Variants in ZNF721 observed in about 807,000 individuals in gnomAD.
ZNF721 encodes the protein zinc finger protein 721.
In ZNF721, 2 loss-of-function variants were observed where a neutral mutation model predicts 2.4. The ratio of observed to expected loss-of-function variants is 0.82; its 90% confidence interval spans 0.34 to 2.58. ZNF721 has a LOEUF of 2.58. Ranked by LOEUF, ZNF721 falls within the 30% of genes most tolerant of loss-of-function variation. The probability of loss-of-function intolerance (pLI) is 0.11; values close to 1 mark genes in which losing one functional copy is unlikely to be tolerated. For missense variants in ZNF721, 1,187 were observed against 1,085.5 expected (o/e 1.09, Z -1.31); for synonymous variants, 398 against 381.8 (o/e 1.04, Z -0.50).
chr4:498,676 G>A (rs917024563), intron 1 of ZNF721, among the ~76,000 whole-genome samples: 1 of 150,364 alleles, frequency 6.7e-6, no homozygotes, highest in Admixed American at 6.6e-5. Context: ...TTAAAACGAA[G>A]TTAATCATTA....
In ZNF721 at chr4:443,170, T is replaced by G. The variant is rs1553863571; in HGVS notation, c.1297A>C (p.Asn433His). 6.2e-7 allele frequency: 1 copy of G among 1,613,028 alleles called. No individual in the cohort carries two copies. Among genetic ancestry groups the G allele is most frequent in the Non-Finnish European group, 8.5e-7 (1 of 1,179,632 alleles). Reference sequence around the variant, plus strand: ...CCAGTATGAATTTTCTTATATTCATTCAGGTTTGTGGACAATCCAAAGGCT... The same window carrying G: ...CCAGTATGAATTTTCTTATATTCATGCAGGTTTGTGGACAATCCAAAGGCT... Reference protein sequence around the residue: ...GRAFGLSTNLNEYKKIHTGDK... With the variant: ...GRAFGLSTNLHEYKKIHTGDK... Residue 433 changes from asparagine to histidine, a missense_variant, in exon 3 of 3, where the codon AAT (asparagine) becomes CAT (histidine). Transcript: ENST00000511833.
intron 1 of ZNF721, among the ~76,000 whole-genome samples, chr4:478,556 C>T (rs1175251625): frequency 1.3e-5 from 2 of 152,128 alleles, no homozygotes; most frequent in East Asian, 1.9e-4. Context: ...TAGCATGTGA[C>T]ATAATTTCCT....
intron 2 of ZNF721, among the ~76,000 whole-genome samples, chr4:466,032 T>C (rs1553866741): frequency 6.8e-6 from 1 of 148,088 alleles, no homozygotes; most frequent in African/African-American, 2.5e-5. Flanking sequence ...AGTCTCACTC[T>C]ATCGCTCAGG....
At position 472,675 on chromosome 4, in the gene ZNF721, G is replaced by C; in HGVS notation, c.-67C>G. 1 of 1,613,362 alleles carries C rather than the reference G, an allele frequency of 6.2e-7. No homozygotes were observed. The highest frequency in any genetic ancestry group is 1.1e-5 in the South Asian group (1 of 90,934). The stretch of plus-strand genomic sequence containing the variant: ...TCCACTCTTCTGGAGAGAATTCTAT[G>C]GCCACATCCCTGAATGTTAAGGGTT... On this transcript the variant is annotated 5_prime_UTR_variant, in exon 2 of 3. Coordinates refer to ENST00000511833, the MANE Select transcript of ZNF721 (RefSeq NM_133474.4).
intron 1 of ZNF721, chr4:474,279 G>A (rs1715565736): frequency 5.8e-5 from 20 of 344,508 alleles, no homozygotes; most frequent in South Asian, 4.0e-4. Context: ...GACAGAAATT[G>A]TGACCATACA....
intron 1 of ZNF721, among the ~76,000 whole-genome samples, chr4:494,078 T>C (rs1445527618): frequency 6.6e-6 from 1 of 152,182 alleles, no homozygotes; most frequent in African/African-American, 2.4e-5. Flanking sequence ...TTTATTTTTC[T>C]TTAAGCCAAT....
intron 1 of ZNF721, 31 bp downstream of exon 1, chr4:499,025 T>G: frequency 2.4e-6 from 1 of 415,238 alleles, no homozygotes; most frequent in East Asian, 5.4e-5. Context: ...CACCCTGCCT[T>G]CCAAATTAAA....
chr4:449,331 T>A (rs904212636), intron 2 of ZNF721, among the ~76,000 whole-genome samples: 13 of 152,232 alleles, frequency 8.5e-5, no homozygotes, highest in African/African-American at 2.9e-4. Flanking sequence ...CCAATAACAT[T>A]TTTGTTATTG....
rs370756276 is a variant in ZNF721, at chr4:462,978, G to A, written c.34+9597C>T. ...AGAGTGAACAGGCAACCTACAGAAT[G>A]GGAGAAAATTTTTTTGCAATCTACC... On this transcript the variant is annotated intron_variant, in intron 2 of 2. Transcript: ENST00000511833. Among the ~76,000 whole-genome samples the A allele has an allele frequency of 2.2e-3, 341 of 152,234 alleles. 5 individuals are homozygous for A. In the Middle Eastern group the frequency reaches 0.048, roughly 21 times the overall value.
Position 443,898 on chromosome 4 carries a change from T to C in ZNF721, c.569A>G (p.Glu190Gly). Residue 190 changes from glutamate to glycine, a missense_variant, in exon 3 of 3, where the codon GAG becomes GGG. By Grantham distance (98) the Glu-to-Gly change is moderately conservative (BLOSUM62 -2). Coordinates refer to ENST00000511833, the MANE Select transcript of ZNF721 (RefSeq NM_133474.4). ...ACGATCTTCACCTGTGTAAGCTTTC[T>C]CTCTGTTGTGAATTCTCTTATGTGC... is the stretch of plus-strand genomic sequence containing the variant. ...LTAHKRIHNREKAYTGEDRDR... is the reference protein window; with the variant it reads ...LTAHKRIHNRGKAYTGEDRDR... 1 of 1,614,130 alleles carries C rather than the reference T, an allele frequency of 6.2e-7. No individual in the cohort carries two copies. Among genetic ancestry groups the C allele is most frequent in the Non-Finnish European group, 8.5e-7 (1 of 1,179,992 alleles).
intron 1 of ZNF721, among the ~76,000 whole-genome samples, chr4:480,254 TGAGTC>T (rs1553869171): frequency 1.3e-5 from 2 of 152,248 alleles, no homozygotes; most frequent in Admixed American, 6.5e-5. Context: ...TTTACCCTGT[TGAGTC>T]AAGTAGTCAT....
chr4:494,807 G>C (rs1412355789), intron 1 of ZNF721, among the ~76,000 whole-genome samples: 3 of 152,122 alleles, frequency 2.0e-5, no homozygotes, highest in Admixed American at 2.0e-4. Flanking sequence ...CAGAGCTCTA[G>C]GGAAAGCCCA....
In ZNF721 at chr4:477,066, A is replaced by G. The variant is rs1715639358; in HGVS notation, c.-93-4365T>C. ...TGGGCCTTGTTCACTAAATCTACTA[A>G]CCAGGTTTGTCTTCTCTGACCTCAG... On this transcript the variant is annotated intron_variant, in intron 1 of 2. Transcript: ENST00000511833. 2.6e-5 allele frequency among the ~76,000 whole-genome samples: 4 copies of G among 151,790 alleles called. No homozygotes were observed. The South Asian group carries it at 8.3e-4, about 32-fold the overall frequency.
At chr4:477,749 G>A (rs1025681363) in intron 1 of ZNF721, among the ~76,000 whole-genome samples, 3 of 152,114 alleles carry the variant, frequency 2.0e-5, no homozygotes, top group Non-Finnish European at 2.9e-5. Context: ...GCAGAGAGGA[G>A]GGGAAATACC....
At chr4:477,098 A>G (rs1239152653) in intron 1 of ZNF721, among the ~76,000 whole-genome samples, 2 of 152,198 alleles carry the variant, frequency 1.3e-5, no homozygotes, top group South Asian at 2.1e-4. Flanking sequence ...TCAGACTACA[A>G]GTGGTCCTGC....
Position 444,004 on chromosome 4 carries a change from GT to G in ZNF721, c.462del (p.Gln154HisfsTer55). The G allele has an allele frequency of 1.2e-6, 2 of 1,614,072 alleles. No homozygotes were observed. The highest frequency in any genetic ancestry group is 1.7e-6 in the Non-Finnish European group (2 of 1,179,978). On this transcript the variant is annotated frameshift_variant, in exon 3 of 3. Coordinates refer to ENST00000511833, the MANE Select transcript of ZNF721 (RefSeq NM_133474.4). LOFTEE classifies it low-confidence loss of function (END_TRUNC). ...KDFGWYTDLN[Q>X]HKKIHTGEKP... is the part of the protein sequence containing the mutation. Reference sequence around the variant, plus strand: ...TTCTCTCCAGTATGAATTTTCTTGTGTTGATTCAGGTCTGTGTACCATCCAA... The same window carrying G: ...TTCTCTCCAGTATGAATTTTCTTGTGTGATTCAGGTCTGTGTACCATCCAA...
At chr4:453,679 G>A (rs372986619) in intron 2 of ZNF721, 10 of 152,292 alleles carry the variant, frequency 6.6e-5, no homozygotes, top group African/African-American at 1.7e-4. Flanking sequence ...AATCAATGTC[G>A]GCTATGCGTC....
chr4:472,460 G>C, intron 2 of ZNF721, 115 bp downstream of exon 2: 1 of 1,123,826 alleles, frequency 8.9e-7, no homozygotes, highest in Non-Finnish European at 1.3e-6. Flanking sequence ...AACTTACATA[G>C]CTGTGTGTGT....
chr4:442,531 ACT>A lies in ZNF721; in HGVS notation c.1934_1935del (p.Glu645ValfsTer27), dbSNP rs1174697456. On this transcript the variant is annotated frameshift_variant, in exon 3 of 3. Transcript: ENST00000511833. LOFTEE classifies it low-confidence loss of function (END_TRUNC). ...GTTGATGGGGCAAAGGCTTTGCCAC[ACT>A]CTTCACATTTGTAAGGTTTCTCCCC... The part of the protein sequence containing the change: ...YTGEKPYKCE[E>X]CGKAFAPSTD... 2.5e-6 allele frequency: 4 copies of A among 1,612,750 alleles called. No homozygotes were observed. The highest frequency in any genetic ancestry group is 3.4e-6 in the Non-Finnish European group (4 of 1,179,674).
Sources: gnomAD v4.1 joint callset for allele counts (sites outside exome capture counted in the v4.1 genomes callset) on GRCh38, gnomAD v4.1.1 for gene constraint, MANE v1.5 for transcripts, NCBI Gene and HGNC (gene_info 2026-07-23, HGNC 2026-07-21) for gene names.